FAM168A: variants seen among roughly 807,000 people sequenced by gnomAD.
FAM168A encodes the protein protein FAM168A.
FAM168A carries 3 observed loss-of-function variants against 28.5 expected under a neutral mutation model. The ratio of observed to expected loss-of-function variants is 0.11; its 90% CI spans 0.05 to 0.27. The LOEUF (loss-of-function observed/expected upper bound fraction) is 0.27. Ranked by LOEUF, FAM168A falls within the 10% of genes least tolerant of loss-of-function variation. FAM168A has a pLI of 1.00. For missense variants in FAM168A, 222 were observed against 311.5 expected (o/e 0.71, Z 2.16); for synonymous variants, 122 against 124.2 (o/e 0.98, Z 0.12).
chr11:73,584,618 C>T (rs1262206895), intron 1 of FAM168A, among the ~76,000 whole-genome samples: 1 of 151,992 alleles, frequency 6.6e-6, no homozygotes, highest in Non-Finnish European at 1.5e-5. Flanking sequence ...GGACTACAGG[C>T]GCCCGCCACC....
chr11:73,500,122 G>A (rs1234039623), intron 1 of FAM168A, among the ~76,000 whole-genome samples: 2 of 152,124 alleles, frequency 1.3e-5, no homozygotes, highest in African/African-American at 4.8e-5. Context: ...CAGCCAGAGA[G>A]AAAGGCCAGG....
chr11:73,553,197 G>C (rs962300117), intron 1 of FAM168A, among the ~76,000 whole-genome samples: 1 of 152,098 alleles, frequency 6.6e-6, no homozygotes, highest in African/African-American at 2.4e-5. Context: ...AATCCCTTTG[G>C]TCTCTCAGAA....
At chr11:73,537,385 A>AC (rs1288980266) in intron 1 of FAM168A, among the ~76,000 whole-genome samples, 1 of 152,002 alleles carries the variant, frequency 6.6e-6, no homozygotes, top group Non-Finnish European at 1.5e-5. Flanking sequence ...ACATGGCGAA[A>AC]CCCCGTCTCT....
At chr11:73,475,730 T>C (rs1414012057) in intron 1 of FAM168A, among the ~76,000 whole-genome samples, 1 of 152,078 alleles carries the variant, frequency 6.6e-6, no homozygotes, top group Non-Finnish European at 1.5e-5. Flanking sequence ...TCCATGGCAT[T>C]TTACCCTGGG....
intron 1 of FAM168A, among the ~76,000 whole-genome samples, chr11:73,549,043 G>A (rs1224420955): frequency 6.6e-6 from 1 of 152,142 alleles, no homozygotes; most frequent in Non-Finnish European, 1.5e-5. Flanking sequence ...CCGAGTTCAA[G>A]CAATTCTCCT....
intron 2 of FAM168A, among the ~76,000 whole-genome samples, chr11:73,467,324 T>C (rs923669933): frequency 9.2e-4 from 140 of 151,584 alleles, no homozygotes; most frequent in African/African-American, 3.3e-3. Context: ...TAGATAATAT[T>C]ATCCCAGTTC....
In FAM168A at chr11:73,587,310, G is replaced by A. The variant is rs558213970; in HGVS notation, c.-19+10613C>T. Among the ~76,000 whole-genome samples, 98 of 152,150 alleles carry A rather than the reference G, an allele frequency of 6.4e-4. 1 individual carries two copies. The South Asian group carries it at 0.019, about 30-fold the overall frequency. On this transcript the variant is annotated intron_variant, in intron 1 of 7. Transcript: ENST00000356467. ...GTTCGAGACCAGCCTGGCTAACATG[G>A]CAAAAACCCCGTTTCTACTAAAAAT...
chr11:73,401,107 A>ATT lies in FAM168A; in HGVS notation c.*5654_*5655dup, dbSNP rs766339489. On this transcript the variant is annotated 3_prime_UTR_variant, in exon 8 of 8. Transcript: ENST00000356467. Reference sequence around the variant, plus strand: ...TATTATTATTATTATTATTATTATTATTATTTTAAATTTTATTTCTTTTTA... The same window carrying ATT: ...TATTATTATTATTATTATTATTATTATTTTATTTTAAATTTTATTTCTTTTTA... 1 of 149,306 alleles carries ATT rather than the reference A, an allele frequency of 6.7e-6. No individual in the cohort carries two copies. The highest frequency in any genetic ancestry group is 6.7e-5 in the Admixed American group (1 of 14,974). The allele number at this position is 149,306 out of a possible 1,614,324, so 9.2% of individuals were successfully genotyped here.
intron 1 of FAM168A, among the ~76,000 whole-genome samples, chr11:73,547,399 G>A (rs1943772544): frequency 1.3e-5 from 2 of 152,056 alleles, no homozygotes; most frequent in East Asian, 3.8e-4. Context: ...CTTGTGTGCT[G>A]TTGGTGGGAA....
chr11:73,512,019 G>C (rs1164062371), intron 1 of FAM168A, among the ~76,000 whole-genome samples: 1 of 152,120 alleles, frequency 6.6e-6, no homozygotes, highest in Non-Finnish European at 1.5e-5. Flanking sequence ...GCAAACAGGG[G>C]AAGTATTTTA....
rs553543078 is a variant in FAM168A, at chr11:73,469,464, T to C, written c.-18-972A>G. Among the ~76,000 whole-genome samples the C allele has an allele frequency of 4.6e-5, 7 of 152,330 alleles. No individual in the cohort carries two copies. The South Asian group carries it at 1.2e-3, about 27-fold the overall frequency. ...TCAAAATAGGAAACAAGTCAAATGT[T>C]GAAGGCAGGCAGTGAACAGCTGGCA... On this transcript the variant is annotated intron_variant, in intron 1 of 7. Coordinates refer to ENST00000356467, the MANE Select transcript of FAM168A (RefSeq NM_015159.3).
At chr11:73,513,873 G>GGTTTACT (rs1855277023) in intron 1 of FAM168A, among the ~76,000 whole-genome samples, 1 of 152,078 alleles carries the variant, frequency 6.6e-6, no homozygotes, top group South Asian at 2.1e-4. Flanking sequence ...TCTGGCCCTT[G>GGTTTACT]GTTTACTCAT....
chr11:73,462,171 T>C (rs1260471947), intron 2 of FAM168A, among the ~76,000 whole-genome samples: 2 of 152,222 alleles, frequency 1.3e-5, no homozygotes, highest in Non-Finnish European at 2.9e-5. Context: ...ACATCCATGT[T>C]CATAGCAGCA....
At chr11:73,427,994 C>G (rs1565239861) in intron 3 of FAM168A, among the ~76,000 whole-genome samples, 1 of 152,212 alleles carries the variant, frequency 6.6e-6, no homozygotes, top group African/African-American at 2.4e-5. Flanking sequence ...TCTCTACTCC[C>G]CTCTGTCTCA....
At chr11:73,431,204 T>C (rs1236582324) in intron 2 of FAM168A, among the ~76,000 whole-genome samples, 1 of 151,878 alleles carries the variant, frequency 6.6e-6, no homozygotes, top group Non-Finnish European at 1.5e-5. Context: ...TAGCCAGGCG[T>C]GGTGGTGGGC....
intron 3 of FAM168A, 36 bp downstream of exon 3, chr11:73,430,654 A>C: frequency 6.3e-7 from 1 of 1,585,424 alleles, no homozygotes; most frequent in Non-Finnish European, 8.7e-7. Flanking sequence ...CCCCCTTCCC[A>C]CTCCATTCGC....
At chr11:73,522,676 T>A (rs1390124308) in intron 1 of FAM168A, among the ~76,000 whole-genome samples, 1 of 151,344 alleles carries the variant, frequency 6.6e-6, no homozygotes, top group Non-Finnish European at 1.5e-5. Flanking sequence ...CTATGTCAGA[T>A]ACTTTGCAGT....
chr11:73,568,595 C>T (rs975531689), intron 1 of FAM168A, among the ~76,000 whole-genome samples: 14 of 152,158 alleles, frequency 9.2e-5, no homozygotes, highest in Non-Finnish European at 1.2e-4. Context: ...AGGAAGAAGG[C>T]TATTAAGAAC....
intron 1 of FAM168A, among the ~76,000 whole-genome samples, chr11:73,546,001 T>G (rs1943746451): frequency 1.3e-5 from 2 of 152,208 alleles, no homozygotes; most frequent in African/African-American, 2.4e-5. Context: ...AAGAGTTGAT[T>G]CTACATTCAC....
Sources: allele counts gnomAD v4.1 joint callset (sites outside exome capture counted in the v4.1 genomes callset), GRCh38; gene constraint gnomAD v4.1.1; transcripts MANE v1.5; gene names NCBI Gene and HGNC (gene_info 2026-07-23, HGNC 2026-07-21).